Variants in ATRNL1 observed in about 807,000 individuals in gnomAD.
The protein encoded by ATRNL1 is attractin-like protein 1.
Under a neutral mutation model 182.7 loss-of-function variants are expected in ATRNL1, and 95 were observed. The observed-to-expected ratio is 0.52, with a 90% CI of 0.44 to 0.62. ATRNL1 has a LOEUF of 0.62. ATRNL1 is among the 20% of genes least tolerant of loss of function. ATRNL1 has a pLI of 0.00. For synonymous variants in ATRNL1, 576 were observed against 568.3 expected, an observed-to-expected ratio of 1.01 and a Z score of -0.19; for missense variants, 1,471 against 1,679.5, an observed-to-expected ratio of 0.88 and a Z score of 2.17.
chr10:115,206,827 C>A (rs868989723), intron 8 of ATRNL1, among the ~76,000 whole-genome samples: 1 of 152,108 alleles, frequency 6.6e-6, no homozygotes, highest in Admixed American at 6.6e-5. Context: ...CTAATGATAT[C>A]CCTTCTCCAG....
intron 26 of ATRNL1, among the ~76,000 whole-genome samples, chr10:115,650,045 G>C (rs984269261): frequency 1.4e-4 from 22 of 152,028 alleles, no homozygotes; most frequent in African/African-American, 5.1e-4. Context: ...TCTCATTTCT[G>C]TGCTTATGAG....
chr10:115,201,778 G>A (rs534863990), intron 8 of ATRNL1, among the ~76,000 whole-genome samples: 220 of 152,206 alleles, frequency 1.4e-3, no homozygotes, highest in Non-Finnish European at 2.4e-3. Flanking sequence ...AAAGTCATTG[G>A]TAGCTTGATG....
chr10:115,112,262 A>T (rs1015642049), intron 1 of ATRNL1, among the ~76,000 whole-genome samples: 3 of 152,222 alleles, frequency 2.0e-5, no homozygotes, highest in African/African-American at 7.2e-5. Flanking sequence ...AATCCTATCA[A>T]AATAGAATTA....
At chr10:115,101,244 C>T (rs889522720) in intron 1 of ATRNL1, among the ~76,000 whole-genome samples, 1 of 151,656 alleles carries the variant, frequency 6.6e-6, no homozygotes, top group African/African-American at 2.4e-5. Context: ...ACCTCTATTA[C>T]AGTAATGAAT....
intron 28 of ATRNL1, among the ~76,000 whole-genome samples, chr10:115,924,184 C>T (rs1380029259): frequency 2.0e-5 from 3 of 152,074 alleles, no homozygotes; most frequent in Admixed American, 6.6e-5. Flanking sequence ...AAACATTTCT[C>T]CCATTCTGTA....
intron 26 of ATRNL1, among the ~76,000 whole-genome samples, chr10:115,561,688 T>TGTGG (rs368775836): frequency 0.016 from 1,858 of 116,126 alleles, 24 homozygotes; most frequent in Middle Eastern, 0.026. Context: ...TGTGTGTGTG[T>TGTGG]GGGTGTGTGT....
At chr10:115,380,881 A>T (rs1261967082) in intron 19 of ATRNL1, among the ~76,000 whole-genome samples, 1 of 152,232 alleles carries the variant, frequency 6.6e-6, no homozygotes, top group Non-Finnish European at 1.5e-5. Flanking sequence ...CATTTAAAAA[A>T]ATCCTCTTTG....
chr10:115,403,625 T>C (rs2134311717), intron 20 of ATRNL1, among the ~76,000 whole-genome samples: 1 of 152,180 alleles, frequency 6.6e-6, no homozygotes, highest in Non-Finnish European at 1.5e-5. Context: ...CGGCTAATTT[T>C]TGTATTTTTA....
chr10:115,322,624 G>A (rs976571067), intron 18 of ATRNL1, among the ~76,000 whole-genome samples: 36 of 152,062 alleles, frequency 2.4e-4, no homozygotes, highest in Non-Finnish European at 4.1e-4. Context: ...TTGAACTACC[G>A]TCTGGGTCAC....
intron 8 of ATRNL1, among the ~76,000 whole-genome samples, chr10:115,182,390 T>C (rs1328537014): frequency 1.3e-5 from 2 of 151,438 alleles, no homozygotes; most frequent in Non-Finnish European, 3.0e-5. Flanking sequence ...TAAACGTTCT[T>C]ACCTACCAAA....
intron 19 of ATRNL1, among the ~76,000 whole-genome samples, chr10:115,365,151 G>A (rs1856962543): frequency 6.6e-6 from 1 of 151,770 alleles, no homozygotes; most frequent in Non-Finnish European, 1.5e-5. Flanking sequence ...ATCTGGTCCT[G>A]GACTCTTTTT....
intron 26 of ATRNL1, among the ~76,000 whole-genome samples, chr10:115,580,222 G>A (rs1157489471): frequency 2.0e-5 from 3 of 151,998 alleles, no homozygotes; most frequent in African/African-American, 7.2e-5. Context: ...GTTCATTCAT[G>A]TTGCTGTTTG....
chr10:115,290,550 C>T (rs997248475), intron 15 of ATRNL1, among the ~76,000 whole-genome samples: 1 of 151,974 alleles, frequency 6.6e-6, no homozygotes, highest in African/African-American at 2.4e-5. Flanking sequence ...CAGCCACTTC[C>T]GAGGCTGAGG....
At chr10:115,336,547 T>C (rs1475829954) in intron 19 of ATRNL1, among the ~76,000 whole-genome samples, 2 of 152,212 alleles carry the variant, frequency 1.3e-5, no homozygotes, top group Non-Finnish European at 2.9e-5. Flanking sequence ...AGAAAAAATA[T>C]ACTATGAGAT....
intron 8 of ATRNL1, among the ~76,000 whole-genome samples, chr10:115,211,124 A>G (rs1385093589): frequency 3.3e-5 from 5 of 151,200 alleles, no homozygotes; most frequent in African/African-American, 1.2e-4. Context: ...ATATGTATAC[A>G]TGTGCCATGC....
At chr10:115,767,016 A>C (rs1482688154) in intron 27 of ATRNL1, among the ~76,000 whole-genome samples, 1 of 152,116 alleles carries the variant, frequency 6.6e-6, no homozygotes, top group African/African-American at 2.4e-5. Context: ...TATTTTTTAG[A>C]CTGCAAAGCC....
intron 24 of ATRNL1, among the ~76,000 whole-genome samples, chr10:115,479,339 C>T (rs1025624793): frequency 1.3e-5 from 2 of 151,536 alleles, no homozygotes; most frequent in Non-Finnish European, 3.0e-5. Flanking sequence ...GCACAATATA[C>T]TTACTAGAGT....
chr10:115,323,437 CCCCTT>C (rs1564913831), intron 18 of ATRNL1, among the ~76,000 whole-genome samples: 3 of 62,750 alleles, frequency 4.8e-5, no homozygotes, highest in African/African-American at 8.1e-5. Context: ...CCCCTCCCCT[CCCCTT>C]CCCTTCCCAT....
chr10:115,100,961 A>C (rs1554864463), intron 1 of ATRNL1, among the ~76,000 whole-genome samples: 1 of 152,152 alleles, frequency 6.6e-6, no homozygotes, highest in African/African-American at 2.4e-5. Flanking sequence ...ATTTTTCCCT[A>C]AGTAGTTAAT....
Sources: allele counts gnomAD v4.1 joint callset (sites outside exome capture counted in the v4.1 genomes callset), GRCh38; gene constraint gnomAD v4.1.1; transcripts MANE v1.5; gene names NCBI Gene and HGNC (gene_info 2026-07-23, HGNC 2026-07-21).